STK17A: variants seen among roughly 807,000 people sequenced by gnomAD.
STK17A encodes the protein serine/threonine-protein kinase 17A.
In STK17A, 26 loss-of-function variants were observed where a neutral mutation model predicts 43.7. The ratio of observed to expected loss-of-function variants is 0.60; its 90% CI spans 0.44 to 0.83. STK17A has a LOEUF of 0.83. Ranked by LOEUF, STK17A falls within the 40% of genes least tolerant of loss-of-function variation. The probability of loss-of-function intolerance (pLI) is 0.00; values close to 1 mark genes in which losing one functional copy is unlikely to be tolerated. For missense variants in STK17A, 476 were observed against 511.6 expected, an observed-to-expected ratio of 0.93 and a Z score of 0.67; for synonymous variants, 191 against 182.5, an observed-to-expected ratio of 1.05 and a Z score of -0.38.
intron 3 of STK17A, among the ~76,000 whole-genome samples, chr7:43,612,368 A>G (rs558629965): frequency 1.4e-3 from 218 of 152,304 alleles, no homozygotes; most frequent in South Asian, 0.013. Context: ...GTCATTTCCA[A>G]TTGGCCTCTG....
chr7:43,590,998 T>C (rs1292694573), intron 1 of STK17A, among the ~76,000 whole-genome samples: 1 of 151,484 alleles, frequency 6.6e-6, no homozygotes, highest in Non-Finnish European at 1.5e-5. Context: ...GTAGAACAGC[T>C]CCAAGAAATC....
chr7:43,615,806 G>C (rs1010795192), intron 3 of STK17A, among the ~76,000 whole-genome samples: 5 of 152,144 alleles, frequency 3.3e-5, no homozygotes, highest in African/African-American at 1.2e-4. Context: ...TGCCTGGAAT[G>C]CTTCCTGCTT....
chr7:43,605,460 T>TA (rs1263298584), intron 2 of STK17A, among the ~76,000 whole-genome samples: 1 of 152,208 alleles, frequency 6.6e-6, no homozygotes, highest in African/African-American at 2.4e-5. Flanking sequence ...TTAAATGTCT[T>TA]ACCCTTGTTC....
chr7:43,585,576 T>G (rs537677731), intron 1 of STK17A, among the ~76,000 whole-genome samples: 12 of 151,674 alleles, frequency 7.9e-5, no homozygotes, highest in African/African-American at 2.4e-4. Context: ...AAAATAAAAT[T>G]AAATCTATTC....
rs2082416706 is a variant in STK17A at position 43,583,544 on chromosome 7, A to C, written c.206+95A>C. 2.8e-6 allele frequency: 3 copies of C among 1,072,056 alleles called. No homozygotes were observed. The South Asian group carries it at 1.2e-4, about 43-fold the overall frequency. The allele number at this position is 1,072,056 out of a possible 1,614,324, so 66.4% of individuals were successfully genotyped here. On this transcript the variant is annotated intron_variant, in intron 1 of 6. Coordinates refer to ENST00000319357, the MANE Select transcript of STK17A (RefSeq NM_004760.3). ...GCCGGCGCCGCGGCGGCGAGGCTGA[A>C]GTGGCGTTGCTGCTGCCGATAACGC...
intron 4 of STK17A, 96 bp downstream of exon 4, chr7:43,619,819 C>A (rs2083693794): frequency 1.4e-6 from 2 of 1,429,210 alleles, no homozygotes; most frequent in Admixed American, 4.5e-5. Flanking sequence ...AGCCAGCTAT[C>A]TACTATGTTG....
chr7:43,626,705 A>G lies in STK17A; in HGVS notation c.*1863A>G, dbSNP rs1178072908. On this transcript the variant is annotated 3_prime_UTR_variant, in exon 7 of 7. Transcript: ENST00000319357. ...TGAATGACACGTTTGTACTTGATGG[A>G]TCTGTCATCAAGTTTTAAAATCAGA... is the stretch of plus-strand genomic sequence containing the variant. 6.6e-6 allele frequency: 1 copy of G among 152,194 alleles called. No homozygotes were observed. The highest frequency in any genetic ancestry group is 1.5e-5 in the Non-Finnish European group (1 of 68,016). The allele number at this position is 152,194 out of a possible 1,614,324, so 9.4% of individuals were successfully genotyped here. A position where few individuals can be genotyped will look rare whatever the true frequency, so the allele number is the denominator to read the frequency against.
intron 2 of STK17A, among the ~76,000 whole-genome samples, chr7:43,606,046 A>T (rs1356501746): frequency 5.3e-5 from 8 of 151,778 alleles, no homozygotes. Flanking sequence ...TTTCCAATTA[A>T]TTGCTCAATT....
chr7:43,609,922 C>T (rs565256118), intron 3 of STK17A, among the ~76,000 whole-genome samples: 2 of 152,336 alleles, frequency 1.3e-5, no homozygotes, highest in East Asian at 3.9e-4. Context: ...TGTTCTCTGA[C>T]CCAGACATGA....
rs753382535 is a variant in STK17A at position 43,623,766 on chromosome 7, T to C, written c.798T>C (p.Asn266=). The C allele has an allele frequency of 6.2e-7, 1 of 1,608,396 alleles. No individual in the cohort carries two copies. The highest frequency in any genetic ancestry group is 8.5e-7 in the Non-Finnish European group (1 of 1,178,134). ...CAGGAATATCACCTTTCTTAGGCAA[T>C]GATAAACAAGAAACATTCTTAAACA... is the stretch of plus-strand genomic sequence containing the variant. ...MLTGISPFLG[N]DKQETFLNIS... Residue 266 remains asparagine (N), a synonymous_variant, in exon 6 of 7, where the codon AAT becomes AAC. Transcript: ENST00000319357.
At chr7:43,614,543 G>T (rs1459582637) in intron 3 of STK17A, among the ~76,000 whole-genome samples, 1 of 152,194 alleles carries the variant, frequency 6.6e-6, no homozygotes, top group African/African-American at 2.4e-5. Flanking sequence ...TTATAGTCCT[G>T]TAATTGTATA....
intron 1 of STK17A, among the ~76,000 whole-genome samples, chr7:43,592,109 T>G (rs1296301977): frequency 6.6e-6 from 1 of 151,554 alleles, no homozygotes; most frequent in Non-Finnish European, 1.5e-5. Flanking sequence ...AACTTTCTCT[T>G]CTCTTGAAAC....
At chr7:43,621,833 A>G (rs1318184242) in intron 4 of STK17A, among the ~76,000 whole-genome samples, 1 of 150,938 alleles carries the variant, frequency 6.6e-6, no homozygotes, top group Non-Finnish European at 1.5e-5. Flanking sequence ...ATAATACAGA[A>G]AAACAAAGGG....
chr7:43,617,248 G>A (rs1322523836), intron 3 of STK17A, among the ~76,000 whole-genome samples: 1 of 152,140 alleles, frequency 6.6e-6, no homozygotes, highest in Non-Finnish European at 1.5e-5. Context: ...AAGAGCAATG[G>A]GAGGCTGTGG....
At chr7:43,587,264 C>T (rs767249463) in intron 1 of STK17A, among the ~76,000 whole-genome samples, 5 of 147,796 alleles carry the variant, frequency 3.4e-5, no homozygotes, top group Non-Finnish European at 7.5e-5. Context: ...ACGCCATTCT[C>T]CTGCCTCAGC....
intron 2 of STK17A, among the ~76,000 whole-genome samples, chr7:43,598,769 G>T (rs913150016): frequency 4.1e-5 from 6 of 145,230 alleles, no homozygotes; most frequent in Non-Finnish European, 7.6e-5. Flanking sequence ...TTGGTTTTTG[G>T]TTTTTTTTTT....
rs1583840188 is a variant in STK17A at position 43,624,981 on chromosome 7, T to C, written c.*139T>C. 3.6e-6 allele frequency: 3 copies of C among 830,310 alleles called. No homozygotes were observed. The highest frequency in any genetic ancestry group is 5.8e-5 in the East Asian group (2 of 34,308). 51.4% of individuals were successfully genotyped at this position (830,310 alleles called of 1,614,324 possible). A position where few individuals can be genotyped will look rare whatever the true frequency, so the allele number is the denominator to read the frequency against. On this transcript the variant is annotated 3_prime_UTR_variant, in exon 7 of 7. Coordinates refer to ENST00000319357, the MANE Select transcript of STK17A (RefSeq NM_004760.3). ...CAAACAAAAATAACTTTGTCAAATT[T>C]GTGGAGTTAGGTGGAAGCCAGATTT...
At chr7:43,616,321 T>C (rs1393175854) in intron 3 of STK17A, among the ~76,000 whole-genome samples, 3 of 152,170 alleles carry the variant, frequency 2.0e-5, no homozygotes, top group Non-Finnish European at 2.9e-5. Context: ...CAGTAGGGCG[T>C]TCTTATTGCT....
chr7:43,600,020 A>G (rs1205767465), intron 2 of STK17A, among the ~76,000 whole-genome samples: 3 of 152,166 alleles, frequency 2.0e-5, no homozygotes, highest in Non-Finnish European at 2.9e-5. Context: ...CACTGAAGGC[A>G]TCTCTTTCCT....
Sources: allele counts gnomAD v4.1 joint callset (sites outside exome capture counted in the v4.1 genomes callset), GRCh38; gene constraint gnomAD v4.1.1; transcripts MANE v1.5; gene names NCBI Gene and HGNC (gene_info 2026-07-23, HGNC 2026-07-21).